The following PCBP3 variants were observed in gnomAD, a reference collection of about 807,000 sequenced individuals.
PCBP3 encodes the protein poly(rC)-binding protein 3.
A neutral mutation model predicts 52.7 loss-of-function variants in PCBP3; 25 were observed. That is an observed-to-expected ratio of 0.47 (90% CI 0.35 to 0.66). PCBP3 has a LOEUF of 0.66. Among genes scored for constraint, PCBP3 ranks in the 30% least tolerant of loss-of-function variants. PCBP3 has a pLI of 0.01. For synonymous variants in PCBP3, 162 were observed against 183.0 expected (o/e 0.89, Z 0.93); for missense variants, 391 against 490.3 (o/e 0.80, Z 1.91).
chr21:45,790,680 G>T (rs570830866), intron 4 of PCBP3, among the ~76,000 whole-genome samples: 88 of 152,156 alleles, frequency 5.8e-4, no homozygotes, highest in Non-Finnish European at 9.8e-4. Flanking sequence ...CGCAAAAGCT[G>T]AGGGCAGTGC....
rs1300759343 is a variant in PCBP3, at chr21:45,821,027, T to C, written c.-125-28934T>C. 6.6e-6 allele frequency among the ~76,000 whole-genome samples: 1 copy of C among 152,166 alleles called. No homozygotes were observed. Among genetic ancestry groups the C allele is most frequent in the Non-Finnish European group, 1.5e-5 (1 of 68,018 alleles). ...CCGGCCCCTCGTCCTTGTCCATCCA[T>C]GTGGCTTCTGCAAAGCACCCTTGTC... On this transcript the variant is annotated intron_variant, in intron 4 of 17. Coordinates refer to ENST00000681687, the MANE Select transcript of PCBP3 (RefSeq NM_001384156.1). The surrounding 1 kb of genome is among the most constrained non-coding windows in gnomAD (Gnocchi z 4.4).
chr21:45,664,623 T>C (rs1454256525), intron 1 of PCBP3, among the ~76,000 whole-genome samples: 1 of 152,054 alleles, frequency 6.6e-6, no homozygotes, highest in Non-Finnish European at 1.5e-5. Context: ...TTTCTTTTCT[T>C]TTTTTATTAT....
intron 9 of PCBP3, 87 bp downstream of exon 9, chr21:45,901,200 G>C: frequency 1.1e-6 from 1 of 932,850 alleles, no homozygotes; most frequent in South Asian, 1.3e-5. Flanking sequence ...CCTACACCTG[G>C]ACTAGGGGAT....
chr21:45,905,038 T>C (rs938852016), intron 9 of PCBP3, among the ~76,000 whole-genome samples: 1 of 152,264 alleles, frequency 6.6e-6, no homozygotes, highest in Non-Finnish European at 1.5e-5. Flanking sequence ...CACAGCCAGC[T>C]GAGAGCACCA....
chr21:45,821,147 C>A lies in PCBP3; in HGVS notation c.-125-28814C>A, dbSNP rs2093123003. ...ATCCTTTCTTGAGAACAGCATCTTTCAACTCTTGACCTGCTCCCCCTTCCC... is the reference window on the plus strand; with the variant it reads ...ATCCTTTCTTGAGAACAGCATCTTTAAACTCTTGACCTGCTCCCCCTTCCC... On this transcript the variant is annotated intron_variant, in intron 4 of 17. Coordinates refer to ENST00000681687, the MANE Select transcript of PCBP3 (RefSeq NM_001384156.1). This position sits in a 1 kb window ranked among gnomAD's most constrained non-coding sequence, Gnocchi z 4.4. Among the ~76,000 whole-genome samples the A allele has an allele frequency of 6.6e-6, 1 of 152,200 alleles. No individual in the cohort carries two copies. The highest frequency in any genetic ancestry group is 2.1e-4 in the South Asian group (1 of 4,834).
chr21:45,797,334 T>A (rs547783290), intron 4 of PCBP3, among the ~76,000 whole-genome samples: 1 of 144,678 alleles, frequency 6.9e-6, no homozygotes, highest in Non-Finnish European at 1.5e-5. Flanking sequence ...ATAGAGAGAG[T>A]GAATGCATGG....
chr21:45,864,937 C>T (rs942742983), intron 5 of PCBP3, among the ~76,000 whole-genome samples: 13 of 152,164 alleles, frequency 8.5e-5, no homozygotes, highest in Admixed American at 2.0e-4. Context: ...GAAAGTAATG[C>T]CTTTTGAAAA....
At chr21:45,774,518 T>C (rs2090116341) in intron 4 of PCBP3, among the ~76,000 whole-genome samples, 1 of 152,236 alleles carries the variant, frequency 6.6e-6, no homozygotes, top group Admixed American at 6.5e-5. Flanking sequence ...TATTTATTTC[T>C]CTTTCCTGGC....
chr21:45,720,864 C>T lies in PCBP3; in HGVS notation c.-199-14528C>T, dbSNP rs1166129983. Among the ~76,000 whole-genome samples the T allele has an allele frequency of 3.9e-5, 6 of 152,202 alleles. No homozygotes were observed. In the East Asian group the frequency reaches 1.2e-3, roughly 29 times the overall value. The stretch of plus-strand genomic sequence containing the variant: ...GTTGCATGTTCTAAGATGATTTGGA[C>T]CTTGACTTCAACGTGAGCTCCTGCT... On this transcript the variant is annotated intron_variant, in intron 2 of 17. Transcript: ENST00000681687.
intron 11 of PCBP3, among the ~76,000 whole-genome samples, chr21:45,913,519 C>T (rs541340845): frequency 3.3e-5 from 5 of 152,288 alleles, no homozygotes; most frequent in East Asian, 3.9e-4. Context: ...GGAGGGGCCC[C>T]GGTGGAGGGG....
chr21:45,778,785 C>T (rs2090432210), intron 4 of PCBP3, among the ~76,000 whole-genome samples: 1 of 152,152 alleles, frequency 6.6e-6, no homozygotes, highest in Non-Finnish European at 1.5e-5. Flanking sequence ...TGTGTTCAAG[C>T]AAGACCCCCC....
chr21:45,874,484 A>G lies in PCBP3; in HGVS notation c.11-21724A>G, dbSNP rs538897707. ...TGCCTTCTTTCTGATGGCCTTATACATGGTATCTTCTTCTTCTTTTCTTTT... is the reference window on the plus strand; with the variant it reads ...TGCCTTCTTTCTGATGGCCTTATACGTGGTATCTTCTTCTTCTTTTCTTTT... On this transcript the variant is annotated intron_variant, in intron 5 of 17. Transcript: ENST00000681687. Among the ~76,000 whole-genome samples, 42 of 146,794 alleles carry G rather than the reference A, an allele frequency of 2.9e-4. 2 individuals carry two copies. The South Asian group carries it at 7.4e-3, about 26-fold the overall frequency.
chr21:45,922,483 C>T (rs2074576796), intron 13 of PCBP3, among the ~76,000 whole-genome samples: 1 of 152,062 alleles, frequency 6.6e-6, no homozygotes, highest in Admixed American at 6.5e-5. Context: ...TGAGCTCCGG[C>T]AGTCGAGACT....
intron 2 of PCBP3, among the ~76,000 whole-genome samples, chr21:45,703,961 G>T (rs1327800961): frequency 6.6e-6 from 1 of 152,178 alleles, no homozygotes; most frequent in Non-Finnish European, 1.5e-5. Context: ...GTTAGCAGGG[G>T]TTTGGGAGAG....
At chr21:45,863,709 C>G (rs1050098668) in intron 5 of PCBP3, among the ~76,000 whole-genome samples, 6 of 152,228 alleles carry the variant, frequency 3.9e-5, no homozygotes, top group African/African-American at 1.4e-4. Context: ...CTGTCCGATA[C>G]CCACATCAAA....
chr21:45,868,074 C>A (rs1382207782), intron 5 of PCBP3, among the ~76,000 whole-genome samples: 1 of 152,276 alleles, frequency 6.6e-6, no homozygotes, highest in Non-Finnish European at 1.5e-5. Context: ...GAATTAGTGG[C>A]CATACGGCAA....
At chr21:45,667,614 T>A (rs1048316193) in intron 1 of PCBP3, among the ~76,000 whole-genome samples, 1 of 152,214 alleles carries the variant, frequency 6.6e-6, no homozygotes, top group South Asian at 2.1e-4. Context: ...CCTTTAGTTA[T>A]TCAAATATGT....
intron 2 of PCBP3, among the ~76,000 whole-genome samples, chr21:45,690,811 A>G (rs1214726006): frequency 2.0e-5 from 3 of 152,208 alleles, no homozygotes; most frequent in Non-Finnish European, 4.4e-5. Flanking sequence ...CTAAAGTTGT[A>G]AAGAGATACC....
At chr21:45,887,898 C>T (rs896116292) in intron 5 of PCBP3, among the ~76,000 whole-genome samples, 8 of 152,190 alleles carry the variant, frequency 5.3e-5, no homozygotes, top group African/African-American at 1.4e-4. Flanking sequence ...TACCAGCCCA[C>T]GGCGAAGAGA....
Sources: gnomAD v4.1 joint callset for allele counts (sites outside exome capture counted in the v4.1 genomes callset) on GRCh38, gnomAD v4.1.1 for gene constraint, Gnocchi (gnomAD v3.1) non-coding constraint, MANE v1.5 for transcripts, NCBI Gene and HGNC (gene_info 2026-07-23, HGNC 2026-07-21) for gene names.